Variants in TRMT9B observed in about 807,000 individuals in gnomAD.
The protein encoded by TRMT9B is probable tRNA methyltransferase 9B.
In TRMT9B, 16 loss-of-function variants were observed where a neutral mutation model predicts 11.5. The ratio of observed to expected loss-of-function variants is 1.39; its 90% confidence interval spans 0.94 to 2.11. TRMT9B has a LOEUF of 2.11. Among genes scored for constraint, TRMT9B ranks in the 30% most tolerant of loss-of-function variants. TRMT9B has a pLI of 0.00. For missense variants in TRMT9B, 941 were observed against 553.8 expected (o/e 1.70, Z -7.02); for synonymous variants, 274 against 192.4 (o/e 1.42, Z -3.51).
intron 1 of TRMT9B, among the ~76,000 whole-genome samples, chr8:12,959,527 T>TTTTTAA (rs1801786508): frequency 7.6e-6 from 1 of 131,542 alleles, no homozygotes; most frequent in Non-Finnish European, 1.6e-5. Context: ...TTTTTTTTTT[T>TTTTTAA]TTTTTTTTTT....
Position 12,969,375 on chromosome 8 carries a change from A to G in TRMT9B, c.-199-21459A>G, listed in dbSNP as rs1803265724. 2.6e-5 allele frequency among the ~76,000 whole-genome samples: 4 copies of G among 152,162 alleles called. No individual in the cohort carries two copies. The South Asian group carries it at 8.3e-4, about 31-fold the overall frequency. The stretch of plus-strand genomic sequence containing the variant: ...ATTGTGTATATATAAGTAAGTAAAC[A>G]ATTGCACCCAGTCACTCCTTTGCAT... On this transcript the variant is annotated intron_variant, in intron 1 of 4. Coordinates refer to ENST00000524591, the MANE Select transcript of TRMT9B (RefSeq NM_020844.3).
chr8:13,018,693 C>A (rs775381796), intron 4 of TRMT9B, among the ~76,000 whole-genome samples: 2 of 152,130 alleles, frequency 1.3e-5, no homozygotes, highest in African/African-American at 2.4e-5. Flanking sequence ...AGCTGAACAA[C>A]ATATTGTCTT....
At position 13,021,648 on chromosome 8, in the gene TRMT9B, G is replaced by T; in HGVS notation, c.969G>T (p.Trp323Cys). ...CTTCTTCTGGAAAACACTTGGAGTG[G>T]CTGAGAGCACCAGGCACTCTGAAAC... ...VESSSGKHLE[W>C]LRAPGTLKHL... The change falls in exon 5 of 5, where the codon TGG (tryptophan) becomes TGT (cysteine). Residue 323 changes from tryptophan (W) to cysteine (C), a missense_variant. Trp to Cys is a radical substitution (Grantham distance 215). Coordinates refer to ENST00000524591, the MANE Select transcript of TRMT9B (RefSeq NM_020844.3). 4.3e-6 allele frequency: 7 copies of T among 1,613,828 alleles called. No individual in the cohort carries two copies. The highest frequency in any genetic ancestry group is 5.9e-6 in the Non-Finnish European group (7 of 1,179,796).
chr8:13,011,353 T>C, intron 3 of TRMT9B: 6 of 985,350 alleles, frequency 6.1e-6, no homozygotes, highest in Non-Finnish European at 7.2e-6. Flanking sequence ...TTAAGTTTGC[T>C]TTTACTGTAT....
In TRMT9B at chr8:12,962,745, C is replaced by G. The variant is rs1294266867; in HGVS notation, c.-200+16779C>G. Reference sequence around the variant, plus strand: ...AGCTCAAGTGATCTTCCCACCTCGCCCTCCCAAAGTACTGAGATTATAGGC... The same window carrying G: ...AGCTCAAGTGATCTTCCCACCTCGCGCTCCCAAAGTACTGAGATTATAGGC... On this transcript the variant is annotated intron_variant, in intron 1 of 4. Coordinates refer to ENST00000524591, the MANE Select transcript of TRMT9B (RefSeq NM_020844.3). 2.0e-5 allele frequency among the ~76,000 whole-genome samples: 3 copies of G among 152,284 alleles called. No homozygotes were observed. In the East Asian group the frequency reaches 5.8e-4, roughly 29 times the overall value.
chr8:12,964,739 A>C (rs1029606719), intron 1 of TRMT9B, among the ~76,000 whole-genome samples: 1 of 130,526 alleles, frequency 7.7e-6, no homozygotes, highest in Non-Finnish European at 1.7e-5. Flanking sequence ...CACCAGGCTA[A>C]TGTTTTTTGT....
At chr8:13,012,055 G>GT (rs1811705251) in intron 3 of TRMT9B, 4 of 985,300 alleles carry the variant, frequency 4.1e-6, no homozygotes, top group Non-Finnish European at 4.8e-6. Context: ...GTGGTCTCTC[G>GT]GATACTAGAA....
At chr8:13,010,138 A>G (rs754741039) in intron 3 of TRMT9B, 12 of 253,990 alleles carry the variant, frequency 4.7e-5, no homozygotes, top group Non-Finnish European at 7.3e-5. Context: ...ACCCTATCTG[A>G]AAAAAAAAAA....
intron 4 of TRMT9B, among the ~76,000 whole-genome samples, chr8:13,013,076 G>C (rs1284138787): frequency 3.3e-5 from 5 of 152,120 alleles, no homozygotes; most frequent in Non-Finnish European, 7.3e-5. Context: ...CTTCAACTTG[G>C]TATTGCAGTT....
intron 2 of TRMT9B, 44 bp from the exon 3 acceptor site, chr8:13,006,158 C>A (rs984183594): frequency 5.6e-6 from 9 of 1,593,666 alleles, no homozygotes; most frequent in Admixed American, 1.7e-5. Context: ...ATCTATGGTG[C>A]ATAGGCTGAC....
At chr8:12,955,238 G>C (rs2128858583) in intron 1 of TRMT9B, among the ~76,000 whole-genome samples, 1 of 152,262 alleles carries the variant, frequency 6.6e-6, no homozygotes, top group African/African-American at 2.4e-5. Flanking sequence ...GGAGCCAGAG[G>C]CTGTCACACT....
rs760729767 is a variant in TRMT9B, at chr8:13,021,658, C to G, written c.979C>G (p.Pro327Ala). ...AAAACACTTGGAGTGGCTGAGAGCA[C>G]CAGGCACTCTGAAACATTTAAATGG... ...SGKHLEWLRA[P>A]GTLKHLNGDH... Residue 327 changes from proline (P) to alanine (A), a missense_variant, in exon 5 of 5, where the codon CCA becomes GCA. Physicochemically the swap from Pro to Ala is conservative, Grantham distance 27. Coordinates refer to ENST00000524591, the MANE Select transcript of TRMT9B (RefSeq NM_020844.3). The G allele has an allele frequency of 6.2e-7, 1 of 1,613,664 alleles. No homozygotes were observed. Among genetic ancestry groups the G allele is most frequent in the Non-Finnish European group, 8.5e-7 (1 of 1,179,776 alleles).
Position 13,023,518 on chromosome 8 carries a change from C to T in TRMT9B, c.*1474C>T, listed in dbSNP as rs947856616. On this transcript the variant is annotated 3_prime_UTR_variant, in exon 5 of 5. Coordinates refer to ENST00000524591, the MANE Select transcript of TRMT9B (RefSeq NM_020844.3). ...ACTGTGTGGTCACTGTTTAGATTTG[C>T]CCATGGGTCTCTTTAAATCTATGTC... 14 of 166,996 alleles carry T rather than the reference C, an allele frequency of 8.4e-5. No homozygotes were observed. Among genetic ancestry groups the T allele is most frequent in the African/African-American group, 2.9e-4 (12 of 41,422 alleles). 10.3% of individuals were successfully genotyped at this position (166,996 alleles called of 1,614,324 possible).
intron 2 of TRMT9B, among the ~76,000 whole-genome samples, chr8:12,997,491 T>C (rs1212688234): frequency 6.6e-6 from 1 of 152,072 alleles, no homozygotes; most frequent in Admixed American, 6.6e-5. Context: ...TCCTTATAAA[T>C]TACCCAGGCT....
Position 13,021,945 on chromosome 8 carries a change from T to C in TRMT9B, c.1266T>C (p.Ser422=), listed in dbSNP as rs1402204610. ...YHVFREGELC[S]LLKENVSELR... is the part of the protein sequence containing the mutation. Reference sequence around the variant, plus strand: ...TGTTTCGAGAAGGGGAGCTCTGCAGTCTGCTCAAGGAGAATGTGTCAGAGC... The same window carrying C: ...TGTTTCGAGAAGGGGAGCTCTGCAGCCTGCTCAAGGAGAATGTGTCAGAGC... The change falls in exon 5 of 5, where the codon AGT becomes AGC. Residue 422 remains serine (S), a synonymous_variant. Coordinates refer to ENST00000524591, the MANE Select transcript of TRMT9B (RefSeq NM_020844.3). The C allele has an allele frequency of 9.9e-6, 16 of 1,613,628 alleles. No individual in the cohort carries two copies.
chr8:13,024,940 G>A lies in TRMT9B; in HGVS notation c.*2896G>A, dbSNP rs1814511224. 1 of 166,966 alleles carries A rather than the reference G, an allele frequency of 6.0e-6. No homozygotes were observed. The highest frequency in any genetic ancestry group is 1.5e-5 in the Non-Finnish European group (1 of 68,110). 10.3% of individuals were successfully genotyped at this position (166,966 alleles called of 1,614,324 possible). The stretch of plus-strand genomic sequence containing the variant: ...AAAGCCATTGAAGAGCAAAACTAAT[G>A]TAAACGTCTTGATCATTTAAAAAGC... On this transcript the variant is annotated 3_prime_UTR_variant, in exon 5 of 5. Transcript: ENST00000524591.
intron 3 of TRMT9B, chr8:13,007,105 C>T (rs1810622913): frequency 6.6e-6 from 1 of 152,240 alleles, no homozygotes; most frequent in South Asian, 2.1e-4. Context: ...TAAAGATATT[C>T]ACATTTGCCA....
At chr8:13,015,323 T>C (rs983646216) in intron 4 of TRMT9B, among the ~76,000 whole-genome samples, 12 of 152,122 alleles carry the variant, frequency 7.9e-5, no homozygotes, top group African/African-American at 2.9e-4. Context: ...CAAGTGTACA[T>C]GTCTCGCCTC....
chr8:12,990,957 C>G lies in TRMT9B; in HGVS notation c.-76C>G. The G allele has an allele frequency of 7.8e-7, 1 of 1,288,908 alleles. No individual in the cohort carries two copies. The highest frequency in any genetic ancestry group is 1.0e-6 in the Non-Finnish European group (1 of 988,324). 79.8% of individuals were successfully genotyped at this position (1,288,908 alleles called of 1,614,324 possible). The stretch of plus-strand genomic sequence containing the variant: ...TGAGAAAGTTATGAGAAGCAACTGT[C>G]ACTCTCTGGAGGTGGAGACTGCCGT... On this transcript the variant is annotated 5_prime_UTR_variant, in exon 2 of 5. Transcript: ENST00000524591.
Sources: gnomAD v4.1 joint callset for allele counts (sites outside exome capture counted in the v4.1 genomes callset) on GRCh38, gnomAD v4.1.1 for gene constraint, MANE v1.5 for transcripts, NCBI Gene and HGNC (gene_info 2026-07-23, HGNC 2026-07-21) for gene names.